ANKRD17: variants seen among roughly 807,000 people sequenced by gnomAD.
ANKRD17 encodes the protein ankyrin repeat domain-containing protein 17.
In ANKRD17, 19 loss-of-function variants were observed where a neutral mutation model predicts 229.7. That is an observed-to-expected ratio of 0.08 (90% confidence interval 0.06 to 0.12). ANKRD17 has a LOEUF of 0.12. ANKRD17 is among the 10% of genes least tolerant of loss of function. The pLI, the probability that ANKRD17 is intolerant of heterozygous loss-of-function variation, is 1.00. For synonymous variants in ANKRD17, 1,112 were observed against 1,146.1 expected, an observed-to-expected ratio of 0.97 and a Z score of 0.60; for missense variants, 2,176 against 3,176.8, an observed-to-expected ratio of 0.68 and a Z score of 7.57.
At chr4:73,092,630 A>G (rs1161350669) in intron 28 of ANKRD17, among the ~76,000 whole-genome samples, 1 of 152,244 alleles carries the variant, frequency 6.6e-6, no homozygotes, top group Non-Finnish European at 1.5e-5. Flanking sequence ...TACAGTTAGA[A>G]AAACCACTGC....
chr4:73,181,839 G>C (rs963500737), intron 1 of ANKRD17, among the ~76,000 whole-genome samples: 8 of 151,658 alleles, frequency 5.3e-5, no homozygotes, highest in African/African-American at 1.5e-4. Flanking sequence ...CCTGGGGTTG[G>C]GAGTTCGAGA....
At chr4:73,165,939 C>T (rs1482713653) in intron 2 of ANKRD17, among the ~76,000 whole-genome samples, 1 of 152,152 alleles carries the variant, frequency 6.6e-6, no homozygotes, top group Non-Finnish European at 1.5e-5. Flanking sequence ...AATGTTCACC[C>T]ACAGCCTACA....
chr4:73,204,598 A>T (rs557475915), intron 1 of ANKRD17, among the ~76,000 whole-genome samples: 4 of 152,210 alleles, frequency 2.6e-5, no homozygotes, highest in Admixed American at 1.3e-4. Flanking sequence ...AGTAATAAAG[A>T]GCACTAGAAA....
chr4:73,258,475 T>G lies in ANKRD17; in HGVS notation c.194A>C (p.Lys65Thr). ...CTTGTGGTGCTGCTGCTGCGGCGGCTTCTTCTTCAGGAGCAGGTCGCAGAC... is the reference window on the plus strand; with the variant it reads ...CTTGTGGTGCTGCTGCTGCGGCGGCGTCTTCTTCAGGAGCAGGTCGCAGAC... ...VRVCDLLLKK[K>T]PPQQQHHKAK... Residue 65 changes from lysine (K) to threonine (T), a missense_variant, in exon 1 of 34, where the codon AAG becomes ACG. Physicochemically the swap from Lys to Thr is moderately conservative, Grantham distance 78. Around this residue, in one of 18 missense-constraint regions of ANKRD17, gnomAD observed 196 missense variants for 190.0 expected, o/e 1.03. Coordinates refer to ENST00000358602, the MANE Select transcript of ANKRD17 (RefSeq NM_032217.5). 1 of 1,594,088 alleles carries G rather than the reference T, an allele frequency of 6.3e-7. No individual in the cohort carries two copies. Among genetic ancestry groups the G allele is most frequent in the South Asian group, 1.1e-5 (1 of 89,700 alleles).
chr4:73,166,004 C>G (rs557965752), intron 2 of ANKRD17, among the ~76,000 whole-genome samples: 4 of 152,276 alleles, frequency 2.6e-5, no homozygotes, highest in Admixed American at 2.6e-4. Flanking sequence ...CAAGAGAATC[C>G]AGCCACACTG....
In ANKRD17 at chr4:73,184,640, C is replaced by A. The variant is rs188763597; in HGVS notation, c.394-7107G>T. On this transcript the variant is annotated intron_variant, in intron 1 of 33. Transcript: ENST00000358602. ...ATAACTACAAATTACATACTAAGTGCAAAGCAGTAGGCTACTCATTGGATT... is the reference window on the plus strand; with the variant it reads ...ATAACTACAAATTACATACTAAGTGAAAAGCAGTAGGCTACTCATTGGATT... Among the ~76,000 whole-genome samples, 327 of 151,074 alleles carry A rather than the reference C, an allele frequency of 2.2e-3. 4 individuals are homozygous for A. Among genetic ancestry groups the A allele is most frequent in the African/African-American group, 7.5e-3 (309 of 41,166 alleles).
intron 22 of ANKRD17, among the ~76,000 whole-genome samples, chr4:73,116,724 A>T (rs1194170925): frequency 6.6e-6 from 1 of 152,112 alleles, no homozygotes; most frequent in Non-Finnish European, 1.5e-5. Context: ...TCAAACAGTT[A>T]CCTAACTTTG....
chr4:73,193,444 A>C (rs1670934070), intron 1 of ANKRD17, among the ~76,000 whole-genome samples: 1 of 152,210 alleles, frequency 6.6e-6, no homozygotes, highest in Non-Finnish European at 1.5e-5. Context: ...CTTTTACGTG[A>C]CACCACTATA....
At position 73,258,725 on chromosome 4, in the gene ANKRD17, G is replaced by T; in HGVS notation, c.-57C>A. 7.2e-7 allele frequency: 1 copy of T among 1,382,650 alleles called. No individual in the cohort carries two copies. Among genetic ancestry groups the T allele is most frequent in the Non-Finnish European group, 9.3e-7 (1 of 1,077,836 alleles). The allele number at this position is 1,382,650 out of a possible 1,614,324, so 85.6% of individuals were successfully genotyped here. A position where few individuals can be genotyped will look rare whatever the true frequency, so the allele number is the denominator to read the frequency against. On this transcript the variant is annotated 5_prime_UTR_variant, in exon 1 of 34. Coordinates refer to ENST00000358602, the MANE Select transcript of ANKRD17 (RefSeq NM_032217.5). ...GAGGGGCGTGGGGCTACGCTCTACC[G>T]CGACTTCGGCCGCACTGGGGCCGAC...
Position 73,098,471 on chromosome 4 carries a change from G to A in ANKRD17, c.4623C>T (p.Thr1541=), listed in dbSNP as rs945107816. The A allele has an allele frequency of 6.2e-7, 1 of 1,613,750 alleles. No individual in the cohort carries two copies. Among genetic ancestry groups the A allele is most frequent in the Admixed American group, 1.7e-5 (1 of 59,936 alleles). Reference sequence around the variant, plus strand: ...TTGTCCAGGTTGCAGATATACCTATGGTAGTAGTGGTTGTGGCACTTGGAG... The same window carrying A: ...TTGTCCAGGTTGCAGATATACCTATAGTAGTAGTGGTTGTGGCACTTGGAG... ...TEPPSATTTT[T]IGISATWTTL... The change falls in exon 26 of 34, where the codon ACC becomes ACT. Residue 1541 remains threonine (T), a synonymous_variant. Transcript: ENST00000358602.
intron 1 of ANKRD17, among the ~76,000 whole-genome samples, chr4:73,232,739 T>C (rs1037075790): frequency 9.9e-5 from 15 of 152,140 alleles, no homozygotes; most frequent in Non-Finnish European, 2.1e-4. Flanking sequence ...CTTTTTATTT[T>C]TTGAGACAGA....
In ANKRD17 at chr4:73,120,151, T is replaced by TAAC. The variant is rs755591752; in HGVS notation, c.4025+8_4025+10dup. On this transcript the variant is annotated intron_variant, in intron 21 of 33. Transcript: ENST00000358602. ...TTGTGTTCATATATGAAGGGTATGG[T>TAAC]AACAACATACCTGCCAATAAGAAGC... 3.7e-6 allele frequency: 6 copies of TAAC among 1,613,338 alleles called. No individual in the cohort carries two copies. In the Admixed American group the frequency reaches 1.0e-4, roughly 27 times the overall value.
rs1482731205 is a variant in ANKRD17 at position 73,075,737 on chromosome 4, A to G, written c.*494T>C. On this transcript the variant is annotated 3_prime_UTR_variant, in exon 34 of 34. Coordinates refer to ENST00000358602, the MANE Select transcript of ANKRD17 (RefSeq NM_032217.5). Reference sequence around the variant, plus strand: ...GAAGGAAACATCCAGATTTCTGAATATGAAGGTACATATCTCACATTAATT... The same window carrying G: ...GAAGGAAACATCCAGATTTCTGAATGTGAAGGTACATATCTCACATTAATT... 1 of 152,750 alleles carries G rather than the reference A, an allele frequency of 6.5e-6. No individual in the cohort carries two copies. Among genetic ancestry groups the G allele is most frequent in the Non-Finnish European group, 1.5e-5 (1 of 68,100 alleles). 9.5% of individuals were successfully genotyped at this position (152,750 alleles called of 1,614,324 possible).
intron 1 of ANKRD17, among the ~76,000 whole-genome samples, chr4:73,179,488 G>GTATGTATATA (rs1735198977): frequency 2.1e-5 from 1 of 48,238 alleles, no homozygotes; most frequent in African/African-American, 8.8e-5. Flanking sequence ...GTGTGTGTGT[G>GTATGTATATA]TATATATATA....
chr4:73,098,891 C>G (rs559539138), intron 25 of ANKRD17: 9 of 1,227,696 alleles, frequency 7.3e-6, no homozygotes, highest in Non-Finnish European at 1.1e-5. Context: ...CACTGAGAAG[C>G]GGGGCCGGGG....
intron 2 of ANKRD17, 79 bp from the exon 3 acceptor site, chr4:73,161,427 C>T: frequency 6.9e-7 from 1 of 1,439,466 alleles, no homozygotes; most frequent in Non-Finnish European, 9.5e-7. Context: ...TAAAGCTATA[C>T]TGTGTATGTT....
At chr4:73,190,564 CAA>C (rs905807992) in intron 1 of ANKRD17, among the ~76,000 whole-genome samples, 2 of 121,842 alleles carry the variant, frequency 1.6e-5, no homozygotes, top group African/African-American at 6.1e-5. Context: ...AAAAACAAAA[CAA>C]AAAAAAAACA....
chr4:73,089,653 G>T (rs1158740546), intron 29 of ANKRD17, among the ~76,000 whole-genome samples: 2 of 152,042 alleles, frequency 1.3e-5, no homozygotes, highest in East Asian at 3.8e-4. Flanking sequence ...TCACATGAAG[G>T]GAAGCTGAGG....
intron 2 of ANKRD17, among the ~76,000 whole-genome samples, chr4:73,174,085 G>T (rs1038553063): frequency 2.2e-5 from 3 of 136,720 alleles, no homozygotes; most frequent in South Asian, 2.4e-4. Context: ...GGCGAGGGAA[G>T]GGAGGGGAGA....
Sources: allele counts gnomAD v4.1 joint callset (sites outside exome capture counted in the v4.1 genomes callset), GRCh38; gene constraint gnomAD v4.1.1; regional missense constraint gnomAD v4.1.1; transcripts MANE v1.5; gene names NCBI Gene and HGNC (gene_info 2026-07-23, HGNC 2026-07-21).